The following TBC1D5 variants were observed in gnomAD, a reference collection of about 807,000 sequenced individuals.
TBC1D5 encodes TBC1 domain family, member 5.
A neutral mutation model predicts 100.3 loss-of-function variants in TBC1D5; 75 were observed. The ratio of observed to expected loss-of-function variants is 0.75; its 90% confidence interval spans 0.62 to 0.91. The LOEUF (loss-of-function observed/expected upper bound fraction) is 0.91, where lower values mean the gene tolerates loss of function less well. Ranked by LOEUF, TBC1D5 falls within the 40% of genes least tolerant of loss-of-function variation. The pLI, the probability that TBC1D5 is intolerant of heterozygous loss-of-function variation, is 0.00. For synonymous variants in TBC1D5, 323 were observed against 325.6 expected, an observed-to-expected ratio of 0.99 and a Z score of 0.09; for missense variants, 910 against 942.4, an observed-to-expected ratio of 0.97 and a Z score of 0.45.
At chr3:17,633,552 A>G (rs2063666193) in intron 1 of TBC1D5, among the ~76,000 whole-genome samples, 1 of 152,212 alleles carries the variant, frequency 6.6e-6, no homozygotes, top group Admixed American at 6.5e-5. Flanking sequence ...AAAAAAAATA[A>G]TAATGCTGTT....
chr3:17,350,372 T>C (rs945487091), intron 13 of TBC1D5, among the ~76,000 whole-genome samples: 1 of 152,162 alleles, frequency 6.6e-6, no homozygotes, highest in African/African-American at 2.4e-5. Context: ...CCAATAAACA[T>C]CAATCCCAAA....
chr3:17,676,815 T>C (rs1323088626), intron 1 of TBC1D5, among the ~76,000 whole-genome samples: 1 of 151,976 alleles, frequency 6.6e-6, no homozygotes, highest in Non-Finnish European at 1.5e-5. Flanking sequence ...TATAGACCAA[T>C]GGAACAGAAC....
rs10663489 is a variant in TBC1D5 at position 17,485,332 on chromosome 3, T to TTTATTATTATTA, written c.97+23130_97+23141dup. Among the ~76,000 whole-genome samples the TTTATTATTATTA allele has an allele frequency of 1.3e-3, 197 of 149,704 alleles. 1 individual carries two copies. The highest frequency in any genetic ancestry group is 4.5e-3 in the African/African-American group (184 of 40,576). ...TTTTTACATTTACAAGCCAATATTC[T>TTTATTATTATTA]TTATTATTATTATTATTATACTTTA... On this transcript the variant is annotated intron_variant, in intron 3 of 21. Coordinates refer to ENST00000253692, the Ensembl canonical transcript of TBC1D5.
chr3:17,557,756 G>A (rs749513812), intron 2 of TBC1D5, among the ~76,000 whole-genome samples: 1 of 152,004 alleles, frequency 6.6e-6, no homozygotes, highest in Non-Finnish European at 1.5e-5. Context: ...ACAGCCATAG[G>A]TAAATTTTTT....
At chr3:17,374,141 T>C (rs576075122) in intron 12 of TBC1D5, among the ~76,000 whole-genome samples, 70 of 152,208 alleles carry the variant, frequency 4.6e-4, no homozygotes, top group African/African-American at 1.6e-3. Context: ...ACACAGATTC[T>C]ACCTATGCAC....
At chr3:17,174,695 G>A (rs1394428092) in intron 19 of TBC1D5, among the ~76,000 whole-genome samples, 1 of 152,152 alleles carries the variant, frequency 6.6e-6, no homozygotes, top group Non-Finnish European at 1.5e-5. Flanking sequence ...CTGGATTCAA[G>A]CAATTCTCCT....
At chr3:17,619,886 A>G (rs1486650893) in intron 2 of TBC1D5, among the ~76,000 whole-genome samples, 1 of 152,262 alleles carries the variant, frequency 6.6e-6, no homozygotes, top group Non-Finnish European at 1.5e-5. Context: ...TCCTATGGAA[A>G]GTTGCTCTTA....
intron 4 of TBC1D5, among the ~76,000 whole-genome samples, chr3:17,413,589 C>T (rs7625175): frequency 0.51 from 76,844 of 151,858 alleles, 21,305 homozygotes; most frequent in African/African-American, 0.72. Flanking sequence ...GAAACTAGTA[C>T]CTTCTAAATT....
At chr3:17,436,639 G>A (rs1262379922) in intron 3 of TBC1D5, among the ~76,000 whole-genome samples, 1 of 152,056 alleles carries the variant, frequency 6.6e-6, no homozygotes, top group Non-Finnish European at 1.5e-5. Flanking sequence ...TAAAGAGAAT[G>A]CAGGATATAG....
At chr3:17,507,252 C>A (rs73153070) in intron 3 of TBC1D5, among the ~76,000 whole-genome samples, 1 of 151,932 alleles carries the variant, frequency 6.6e-6, no homozygotes, top group African/African-American at 2.4e-5. Flanking sequence ...GGTGTCATGC[C>A]TAGCACTGAG....
intron 16 of TBC1D5, among the ~76,000 whole-genome samples, chr3:17,256,600 G>A (rs560737496): frequency 2.0e-5 from 3 of 151,994 alleles, no homozygotes; most frequent in Non-Finnish European, 4.4e-5. Flanking sequence ...TGGAGAAAAA[G>A]GTGTTGAAAA....
chr3:17,538,141 C>G (rs1013648325), intron 2 of TBC1D5, among the ~76,000 whole-genome samples: 9 of 152,076 alleles, frequency 5.9e-5, no homozygotes, highest in South Asian at 2.1e-4. Flanking sequence ...AACACGCACA[C>G]CCCCACCCCC....
intron 2 of TBC1D5, among the ~76,000 whole-genome samples, chr3:17,597,053 T>G (rs145104312): frequency 1.2e-3 from 184 of 152,324 alleles, no homozygotes; most frequent in African/African-American, 4.2e-3. Flanking sequence ...ATTTTGAAAT[T>G]TTAAGATGAT....
chr3:17,403,576 A>T (rs1054150280), intron 7 of TBC1D5, among the ~76,000 whole-genome samples: 1 of 152,136 alleles, frequency 6.6e-6, no homozygotes, highest in South Asian at 2.1e-4. Flanking sequence ...ATAAAAAAAT[A>T]CAAATCAGAA....
At chr3:17,305,301 C>T (rs1057501524) in intron 14 of TBC1D5, among the ~76,000 whole-genome samples, 1 of 152,156 alleles carries the variant, frequency 6.6e-6, no homozygotes, top group African/African-American at 2.4e-5. Context: ...TATGTTAAAC[C>T]CAGTTTCACC....
chr3:17,238,637 T>G (rs895852757), intron 16 of TBC1D5, among the ~76,000 whole-genome samples: 4 of 152,204 alleles, frequency 2.6e-5, no homozygotes, highest in African/African-American at 9.6e-5. Context: ...TTACATTTCA[T>G]TCATTCATTC....
At chr3:17,193,569 C>T (rs2125674037) in intron 18 of TBC1D5, among the ~76,000 whole-genome samples, 1 of 152,128 alleles carries the variant, frequency 6.6e-6, no homozygotes, top group East Asian at 1.9e-4. Flanking sequence ...AAGAAATTTC[C>T]CTTTATATTC....
intron 15 of TBC1D5, among the ~76,000 whole-genome samples, chr3:17,270,805 A>G (rs1254682866): frequency 2.0e-5 from 3 of 152,154 alleles, no homozygotes; most frequent in African/African-American, 7.2e-5. Flanking sequence ...TGGTGAAGGT[A>G]GGAGTCCAGT....
chr3:17,367,256 A>G (rs2092202050), intron 13 of TBC1D5, among the ~76,000 whole-genome samples: 1 of 152,220 alleles, frequency 6.6e-6, no homozygotes, highest in Non-Finnish European at 1.5e-5. Context: ...GAATCTCTAT[A>G]TAAATCTGCT....
Sources: allele counts gnomAD v4.1 joint callset (sites outside exome capture counted in the v4.1 genomes callset), GRCh38; gene constraint gnomAD v4.1.1; transcripts MANE v1.5; gene names NCBI Gene and HGNC (gene_info 2026-07-23, HGNC 2026-07-21).